Variants in CRHBP observed in about 807,000 individuals in gnomAD.
CRHBP encodes the protein corticotropin releasing hormone binding protein.
A neutral mutation model predicts 34.9 loss-of-function variants in CRHBP; 19 were observed. The ratio of observed to expected loss-of-function variants is 0.55; its 90% CI spans 0.38 to 0.80. The LOEUF is 0.80. CRHBP is among the 30% of genes least tolerant of loss of function. The pLI is 0.00. For synonymous variants in CRHBP, 154 were observed against 153.4 expected, an observed-to-expected ratio of 1.00 and a Z score of -0.03; for missense variants, 328 against 409.2, an observed-to-expected ratio of 0.80 and a Z score of 1.71.
At chr5:76,975,097 G>A (rs1746005307) in intron 2 of CRHBP, among the ~76,000 whole-genome samples, 2 of 152,194 alleles carry the variant, frequency 1.3e-5, no homozygotes, top group African/African-American at 4.8e-5. Context: ...GGGGTTCCTA[G>A]TATGAAAATG....
chr5:76,968,358 A>G (rs1347146642), intron 6 of CRHBP, among the ~76,000 whole-genome samples: 1 of 152,158 alleles, frequency 6.6e-6, no homozygotes, highest in Non-Finnish European at 1.5e-5. Context: ...TTTCCACTGC[A>G]ATCCCTGAAC....
At position 76,963,459 on chromosome 5, in the gene CRHBP, G is replaced by T. The variant is rs199697433; in HGVS notation, c.810G>T (p.Pro270=). 3.0e-5 allele frequency: 49 copies of T among 1,611,672 alleles called. No homozygotes were observed. Among genetic ancestry groups the T allele is most frequent in the Non-Finnish European group, 4.1e-5 (48 of 1,178,164 alleles). The change falls in exon 6 of 7, where the codon CCG becomes CCT. Residue 270 remains proline, a splice_region_variant and synonymous_variant. Transcript: ENST00000274368. ...ATCTCTGCTACCCCTTTCATGGCCC[G>T]GGTGAGGTATTTCTTTGATTGTTAT... ...LADLCYPFHG[P]AQMKVGCDNT...
At chr5:76,956,070 A>G (rs1012460287) in intron 4 of CRHBP, among the ~76,000 whole-genome samples, 1 of 152,228 alleles carries the variant, frequency 6.6e-6, no homozygotes, top group Non-Finnish European at 1.5e-5. Context: ...GTTAGGTAGT[A>G]TACTAATTTA....
At chr5:76,960,755 ATTGTTTT>A (rs1198252850) in intron 5 of CRHBP, among the ~76,000 whole-genome samples, 7 of 148,084 alleles carry the variant, frequency 4.7e-5, no homozygotes, top group East Asian at 2.0e-4. Flanking sequence ...AGTACTTTTT[ATTGTTTT>A]TTGTTTTTTG....
At chr5:76,980,254 C>CAAAAAAAA (rs574362034) in intron 3 of CRHBP, among the ~76,000 whole-genome samples, 1 of 82,408 alleles carries the variant, frequency 1.2e-5, no homozygotes, top group Non-Finnish European at 2.5e-5. Flanking sequence ...GACTCCGTCT[C>CAAAAAAAA]AAAAAAAAAA....
chr5:76,958,838 G>T lies in CRHBP; in HGVS notation c.642G>T (p.Val214=), dbSNP rs548963823. The part of the protein sequence containing the change: ...NCSFSIIYPV[V]IKISDLTLGH... ...GCTTCTCCATAATTTATCCTGTGGT[G>T]ATCAAAATATCTGATCTTACCCTGG... Residue 214 remains valine (V), a synonymous_variant, in exon 5 of 7, where the codon GTG becomes GTT. Coordinates refer to ENST00000274368, the MANE Select transcript of CRHBP (RefSeq NM_001882.4). 3.1e-6 allele frequency: 5 copies of T among 1,613,996 alleles called. No individual in the cohort carries two copies. The Admixed American group carries it at 6.7e-5, about 22-fold the overall frequency.
chr5:76,953,895 CGCAG>C, intron 2 of CRHBP, 130 bp from the exon 3 acceptor site: 1 of 1,244,118 alleles, frequency 8.0e-7, no homozygotes, highest in African/African-American at 1.5e-5. Flanking sequence ...AGGAACCCAG[CGCAG>C]CCTAGGCTGG....
Position 76,954,101 on chromosome 5 carries a change from CCTT to C in CRHBP, c.253_255del (p.Phe85del), listed in dbSNP as rs1292776544. ...GACCGGCCGCAGCTGCACTGCGCAG[CCTT>C]CTTCATCAGCGAGCCCGAGGAGTTC... On this transcript the variant is annotated inframe_deletion, in exon 3 of 7. Coordinates refer to ENST00000274368, the MANE Select transcript of CRHBP (RefSeq NM_001882.4). 6.2e-7 allele frequency: 1 copy of C among 1,614,088 alleles called. No individual in the cohort carries two copies. Among genetic ancestry groups the C allele is most frequent in the South Asian group, 1.1e-5 (1 of 91,092 alleles).
At chr5:76,956,724 C>CA (rs5868846) in intron 4 of CRHBP, among the ~76,000 whole-genome samples, 4,214 of 97,996 alleles carry the variant, frequency 0.043, 170 homozygotes, top group African/African-American at 0.13. Flanking sequence ...ACTCTTGTCT[C>CA]AAAAAAAAAA....
chr5:76,961,625 C>T (rs1745776118), intron 5 of CRHBP, among the ~76,000 whole-genome samples: 1 of 152,170 alleles, frequency 6.6e-6, no homozygotes, highest in Non-Finnish European at 1.5e-5. Context: ...AGTAGGTAGG[C>T]CCTTTAAAAA....
At chr5:76,972,414 C>T (rs1294919411), downstream of CRHBP, among the ~76,000 whole-genome samples, 2 of 151,930 alleles carry the variant, frequency 1.3e-5, no homozygotes, top group Admixed American at 6.6e-5. Context: ...ACAGGAGAAT[C>T]GCCTGAACCC....
intron 6 of CRHBP, among the ~76,000 whole-genome samples, chr5:76,965,470 T>C (rs1745847337): frequency 6.6e-6 from 1 of 152,210 alleles, no homozygotes; most frequent in African/African-American, 2.4e-5. Flanking sequence ...GTTTAAACTG[T>C]CAGTGCATGC....
intron 6 of CRHBP, among the ~76,000 whole-genome samples, chr5:76,967,538 T>C (rs1271736739): frequency 6.6e-6 from 1 of 152,138 alleles, no homozygotes; most frequent in East Asian, 1.9e-4. Context: ...GAAATGATTA[T>C]TGTAGAGCAG....
intron 1 of CRHBP, 192 bp from the exon 2 acceptor site, chr5:76,953,409 C>A (rs1374734548): frequency 2.4e-6 from 2 of 837,460 alleles, no homozygotes; most frequent in Non-Finnish European, 3.9e-6. Context: ...TGCCTGCCTT[C>A]CTCTGGCCGC....
At chr5:76,978,115 T>C (rs1002974578) in intron 3 of CRHBP, among the ~76,000 whole-genome samples, 7 of 152,024 alleles carry the variant, frequency 4.6e-5, no homozygotes, top group African/African-American at 1.7e-4. Flanking sequence ...GGTTGCTTCA[T>C]GAGGTTTAAG....
intron 3 of CRHBP, chr5:76,976,591 C>T (rs148854236): frequency 1.1e-3 from 171 of 152,270 alleles, no homozygotes; most frequent in African/African-American, 3.9e-3. Context: ...TGAGCAGCTT[C>T]GTTACGTGTC....
chr5:76,961,573 T>A (rs1745775330), intron 5 of CRHBP, among the ~76,000 whole-genome samples: 1 of 152,218 alleles, frequency 6.6e-6, no homozygotes. Flanking sequence ...CATCATTTGA[T>A]GCAATTATGT....
chr5:76,974,537 A>C (rs536109792), intron 2 of CRHBP, among the ~76,000 whole-genome samples: 1 of 152,168 alleles, frequency 6.6e-6, no homozygotes, highest in East Asian at 1.9e-4. Flanking sequence ...TTTGATGGAC[A>C]GGATTTACTT....
intron 6 of CRHBP, among the ~76,000 whole-genome samples, chr5:76,965,499 G>C (rs1390329496): frequency 6.6e-6 from 1 of 152,118 alleles, no homozygotes; most frequent in Non-Finnish European, 1.5e-5. Flanking sequence ...TAGCCTTTTG[G>C]GTGCATGATC....
Sources: gnomAD v4.1 joint callset for allele counts (sites outside exome capture counted in the v4.1 genomes callset) on GRCh38, gnomAD v4.1.1 for gene constraint, MANE v1.5 for transcripts, NCBI Gene and HGNC (gene_info 2026-07-23, HGNC 2026-07-21) for gene names.